ROR2: variants seen among roughly 807,000 people sequenced by gnomAD.
ROR2 encodes ROR family WNT receptor 2.
In ROR2, 33 loss-of-function variants were observed where a neutral mutation model predicts 74.9. The ratio of observed to expected loss-of-function variants is 0.44; its 90% CI spans 0.33 to 0.59. The LOEUF is 0.59. ROR2 is among the 20% of genes least tolerant of loss of function. ROR2 has a pLI of 0.02. For missense variants in ROR2, 1,216 were observed against 1,313.8 expected, an observed-to-expected ratio of 0.93 and a Z score of 1.15; for synonymous variants, 586 against 558.7, an observed-to-expected ratio of 1.05 and a Z score of -0.69.
chr9:91,784,499 A>G (rs1262689602), intron 1 of ROR2, among the ~76,000 whole-genome samples: 1 of 152,176 alleles, frequency 6.6e-6, no homozygotes, highest in Non-Finnish European at 1.5e-5. Context: ...ACTAAGTTCA[A>G]AGGCAGGCAG....
chr9:91,812,636 C>T (rs1022578656), intron 1 of ROR2, among the ~76,000 whole-genome samples: 10 of 151,956 alleles, frequency 6.6e-5, no homozygotes, highest in African/African-American at 1.2e-4. Flanking sequence ...TGGATTGGAG[C>T]TGGGTGTGTG....
chr9:91,874,440 G>C (rs1255401605), intron 1 of ROR2, among the ~76,000 whole-genome samples: 4 of 152,078 alleles, frequency 2.6e-5, no homozygotes, highest in Non-Finnish European at 5.9e-5. Flanking sequence ...AACATTAAAA[G>C]TTTTATCTAG....
intron 1 of ROR2, chr9:91,886,686 T>A (rs1263232069): frequency 6.6e-6 from 1 of 152,324 alleles, no homozygotes; most frequent in African/African-American, 2.4e-5. Context: ...GCTCCCGGGA[T>A]GAGGTTTCTC....
At chr9:91,903,873 T>C (rs1276604520) in intron 1 of ROR2, among the ~76,000 whole-genome samples, 4 of 152,180 alleles carry the variant, frequency 2.6e-5, no homozygotes, top group African/African-American at 9.7e-5. Flanking sequence ...ATTGCTGCAT[T>C]CTCAAAACAA....
At chr9:91,794,247 G>A (rs142039998) in intron 1 of ROR2, among the ~76,000 whole-genome samples, 1 of 152,212 alleles carries the variant, frequency 6.6e-6, no homozygotes, top group Non-Finnish European at 1.5e-5. Flanking sequence ...CTGGGCACTG[G>A]CTAAACCACT....
Position 91,861,393 on chromosome 9 carries a change from C to G in ROR2, c.98-85575G>C, listed in dbSNP as rs116826941. ...TCTCAGTAACTGAAGTAGTATGGTA[C>G]TAGTATAAAATTAACATACAGATCT... On this transcript the variant is annotated intron_variant, in intron 1 of 8. Transcript: ENST00000375708. Among the ~76,000 whole-genome samples, 920 of 152,248 alleles carry G rather than the reference C, an allele frequency of 6.0e-3. 14 individuals carry two copies. The highest frequency in any genetic ancestry group is 0.02 in the African/African-American group (846 of 41,540).
intron 1 of ROR2, among the ~76,000 whole-genome samples, chr9:91,906,467 C>G (rs1199062204): frequency 1.3e-5 from 2 of 152,164 alleles, no homozygotes; most frequent in African/African-American, 4.8e-5. Context: ...CAGGCTGCCA[C>G]AAGTCCACTG....
chr9:91,885,294 G>A (rs930943288), intron 1 of ROR2, among the ~76,000 whole-genome samples: 1 of 151,224 alleles, frequency 6.6e-6, no homozygotes, highest in Non-Finnish European at 1.5e-5. Context: ...AGGAGCCTTT[G>A]TTGAAGCTTT....
Position 91,749,045 on chromosome 9 carries a change from AAAAT to A in ROR2, c.494+7022_494+7025del, listed in dbSNP as rs1291727656. 2.0e-5 allele frequency among the ~76,000 whole-genome samples: 3 copies of A among 152,288 alleles called. No individual in the cohort carries two copies. In the East Asian group the frequency reaches 5.8e-4, roughly 29 times the overall value. The stretch of plus-strand genomic sequence containing the variant: ...CCGTCTCCAAAGAAAGGAAAGAAAA[AAAAT>A]AAAAGCACACAGACAACTTAAAGAA... On this transcript the variant is annotated intron_variant, in intron 4 of 8. Transcript: ENST00000375708.
chr9:91,776,238 T>TG (rs1826417578), intron 1 of ROR2, among the ~76,000 whole-genome samples: 1 of 152,140 alleles, frequency 6.6e-6, no homozygotes, highest in Non-Finnish European at 1.5e-5. Flanking sequence ...AATTCAGAGT[T>TG]GGAGAATTTC....
intron 1 of ROR2, among the ~76,000 whole-genome samples, chr9:91,902,611 C>T (rs778570904): frequency 1.2e-4 from 19 of 152,144 alleles, no homozygotes; most frequent in Non-Finnish European, 2.4e-4. Flanking sequence ...ACCATGGGGC[C>T]CTCCCTGAGA....
intron 1 of ROR2, among the ~76,000 whole-genome samples, chr9:91,829,078 G>A (rs920369033): frequency 2.6e-5 from 4 of 152,178 alleles, no homozygotes; most frequent in African/African-American, 9.7e-5. Context: ...ATTTTCAAAT[G>A]ACCTCAAGGT....
At chr9:91,840,008 C>A (rs1321863206) in intron 1 of ROR2, among the ~76,000 whole-genome samples, 1 of 152,166 alleles carries the variant, frequency 6.6e-6, no homozygotes, top group Non-Finnish European at 1.5e-5. Context: ...CTGTATCACC[C>A]CACACTGTAC....
At chr9:91,879,944 T>G (rs945958316) in intron 1 of ROR2, among the ~76,000 whole-genome samples, 1 of 151,938 alleles carries the variant, frequency 6.6e-6, no homozygotes, top group Admixed American at 6.6e-5. Flanking sequence ...CAATACTAAG[T>G]TTTTCATCAC....
chr9:91,879,649 G>A (rs1375322195), intron 1 of ROR2, among the ~76,000 whole-genome samples: 2 of 152,074 alleles, frequency 1.3e-5, no homozygotes, highest in African/African-American at 2.4e-5. Context: ...GCTGGGCCTT[G>A]GAAGAGCCCA....
At chr9:91,927,600 G>C (rs1159539411) in intron 1 of ROR2, among the ~76,000 whole-genome samples, 2 of 118,524 alleles carry the variant, frequency 1.7e-5, no homozygotes, top group Non-Finnish European at 3.3e-5. Context: ...GAGTCTCTCT[G>C]TCACCCATGT....
At chr9:91,843,022 T>C (rs1272571723) in intron 1 of ROR2, among the ~76,000 whole-genome samples, 4 of 152,092 alleles carry the variant, frequency 2.6e-5, no homozygotes, top group Non-Finnish European at 5.9e-5. Flanking sequence ...ATTTACAAAC[T>C]ATTTGCTAAA....
chr9:91,847,292 G>A (rs1363744714), intron 1 of ROR2, among the ~76,000 whole-genome samples: 1 of 152,154 alleles, frequency 6.6e-6, no homozygotes, highest in Non-Finnish European at 1.5e-5. Context: ...ACCCCTCTGG[G>A]AGGCCACTTT....
In ROR2 at chr9:91,905,433, A is replaced by G. The variant is rs980482429; in HGVS notation, c.97+44434T>C. The stretch of plus-strand genomic sequence containing the variant: ...TATACAAATGTCACATCACACAAAG[A>G]TGACAACACAACCCAACACACAACA... On this transcript the variant is annotated intron_variant, in intron 1 of 8. Coordinates refer to ENST00000375708, the MANE Select transcript of ROR2 (RefSeq NM_004560.4). The surrounding 1 kb of genome is among the most constrained non-coding windows in gnomAD (Gnocchi z 5.3). Among the ~76,000 whole-genome samples, 9 of 151,918 alleles carry G rather than the reference A, an allele frequency of 5.9e-5. No homozygotes were observed. Among genetic ancestry groups the G allele is most frequent in the Admixed American group, 5.9e-4 (9 of 15,212 alleles).
Sources: gnomAD v4.1 joint callset for allele counts (sites outside exome capture counted in the v4.1 genomes callset) on GRCh38, gnomAD v4.1.1 for gene constraint, Gnocchi (gnomAD v3.1) non-coding constraint, MANE v1.5 for transcripts, NCBI Gene and HGNC (gene_info 2026-07-23, HGNC 2026-07-21) for gene names.